Variants in RHOBTB1 observed in about 807,000 individuals in gnomAD.
RHOBTB1 encodes rho-related BTB domain-containing protein 1.
RHOBTB1 carries 40 observed loss-of-function variants against 71.6 expected under a neutral mutation model. The observed-to-expected ratio is 0.56, with a 90% confidence interval of 0.43 to 0.73. RHOBTB1 has a LOEUF of 0.73. Among genes scored for constraint, RHOBTB1 ranks in the 30% least tolerant of loss-of-function variants. RHOBTB1 has a pLI of 0.00. For missense variants in RHOBTB1, 797 were observed against 894.0 expected, an observed-to-expected ratio of 0.89 and a Z score of 1.38; for synonymous variants, 319 against 334.9, an observed-to-expected ratio of 0.95 and a Z score of 0.52.
chr10:60,989,901 G>T, intron 1 of RHOBTB1, among the ~76,000 whole-genome samples: 1 of 151,996 alleles, frequency 6.6e-6, no homozygotes, highest in Admixed American at 6.6e-5. Flanking sequence ...AACAGGTGGG[G>T]CTGTGCTCAT....
At chr10:60,976,217 T>A (rs2086309871) in intron 2 of RHOBTB1, among the ~76,000 whole-genome samples, 1 of 152,110 alleles carries the variant, frequency 6.6e-6, no homozygotes, top group African/African-American at 2.4e-5. Context: ...ATTAGGATAT[T>A]TTATTACATG....
exon 2 of RHOBTB1, chr10:60,985,868 T>C (rs372542434): frequency 6.6e-6 from 1 of 152,296 alleles, no homozygotes. Flanking sequence ...AAAATAAACT[T>C]CAATTCCATT....
At chr10:60,968,559 A>G (rs192744961) in intron 2 of RHOBTB1, among the ~76,000 whole-genome samples, 1 of 152,266 alleles carries the variant, frequency 6.6e-6, no homozygotes, top group Non-Finnish European at 1.5e-5. Context: ...ACCATCTTTG[A>G]GGAGCTGCAG....
intron 2 of RHOBTB1, among the ~76,000 whole-genome samples, chr10:60,965,236 G>C (rs1490405416): frequency 1.3e-5 from 2 of 151,956 alleles, no homozygotes; most frequent in Admixed American, 6.6e-5. Context: ...TTGTTGAAAT[G>C]CTTAGGTTTT....
intron 5 of RHOBTB1, among the ~76,000 whole-genome samples, chr10:60,892,132 T>C (rs1270826787): frequency 6.6e-6 from 1 of 152,214 alleles, no homozygotes; most frequent in African/African-American, 2.4e-5. Flanking sequence ...AATTATCTCT[T>C]TATTAGCAGC....
At chr10:60,951,054 G>A (rs1472989702) in intron 2 of RHOBTB1, among the ~76,000 whole-genome samples, 1 of 152,140 alleles carries the variant, frequency 6.6e-6, no homozygotes, top group Non-Finnish European at 1.5e-5. Context: ...CCCTACTTCA[G>A]AAAAATAATT....
At chr10:60,995,743 T>C (rs574278276) in intron 1 of RHOBTB1, among the ~76,000 whole-genome samples, 1 of 152,308 alleles carries the variant, frequency 6.6e-6, no homozygotes, top group South Asian at 2.1e-4. Context: ...TCTGCCCTTA[T>C]TGTTTTTTGT....
chr10:60,957,547 C>A (rs529915321), intron 2 of RHOBTB1, among the ~76,000 whole-genome samples: 32 of 152,216 alleles, frequency 2.1e-4, no homozygotes, highest in African/African-American at 7.7e-4. Flanking sequence ...CACCACCAAG[C>A]CTTACGGTCA....
chr10:60,912,533 T>A (rs115508078), intron 2 of RHOBTB1, among the ~76,000 whole-genome samples: 2,483 of 152,276 alleles, frequency 0.016, 30 homozygotes, highest in South Asian at 0.036. Flanking sequence ...ATGCCTAGCC[T>A]TAAAAAAGAT....
intron 2 of RHOBTB1, among the ~76,000 whole-genome samples, chr10:60,930,867 T>C (rs1390033621): frequency 6.6e-6 from 1 of 152,058 alleles, no homozygotes; most frequent in Admixed American, 6.6e-5. Flanking sequence ...GGCATTCCCA[T>C]CCATTATTCC....
chr10:60,923,886 C>T (rs888002765), intron 2 of RHOBTB1, among the ~76,000 whole-genome samples: 5 of 152,144 alleles, frequency 3.3e-5, no homozygotes, highest in African/African-American at 7.2e-5. Context: ...ACATGGAACA[C>T]GAGTCCATGA....
At chr10:60,962,957 C>T (rs1407494509) in intron 2 of RHOBTB1, among the ~76,000 whole-genome samples, 2 of 152,084 alleles carry the variant, frequency 1.3e-5, no homozygotes, top group Non-Finnish European at 2.9e-5. Context: ...TAAATAATCC[C>T]CAGCCATGTT....
At chr10:60,998,800 A>G (rs1379564835) in intron 1 of RHOBTB1, among the ~76,000 whole-genome samples, 1 of 152,214 alleles carries the variant, frequency 6.6e-6, no homozygotes, top group Non-Finnish European at 1.5e-5. Flanking sequence ...TCTGAGGTCA[A>G]ATGGCTAATT....
intron 2 of RHOBTB1, among the ~76,000 whole-genome samples, chr10:60,981,460 G>A (rs1322766516): frequency 6.6e-6 from 1 of 152,184 alleles, no homozygotes; most frequent in African/African-American, 2.4e-5. Context: ...CACACAGCTT[G>A]AAGGTTGTAA....
intron 4 of RHOBTB1, among the ~76,000 whole-genome samples, chr10:60,899,056 T>C (rs986984892): frequency 6.6e-6 from 1 of 152,180 alleles, no homozygotes; most frequent in African/African-American, 2.4e-5. Flanking sequence ...CCAAAGAAGG[T>C]TGTGGGTTAT....
At chr10:60,969,988 C>T (rs986504684) in intron 2 of RHOBTB1, among the ~76,000 whole-genome samples, 1 of 152,040 alleles carries the variant, frequency 6.6e-6, no homozygotes, top group African/African-American at 2.4e-5. Context: ...AACTGGCAAA[C>T]TGGGCCAACC....
At chr10:60,909,700 A>G (rs1420559038) in intron 4 of RHOBTB1, among the ~76,000 whole-genome samples, 2 of 152,232 alleles carry the variant, frequency 1.3e-5, no homozygotes, top group Non-Finnish European at 2.9e-5. Flanking sequence ...GAAAGAAAAA[A>G]AATCCAGGAA....
At chr10:60,996,911 T>C (rs2087071024) in intron 1 of RHOBTB1, among the ~76,000 whole-genome samples, 1 of 152,212 alleles carries the variant, frequency 6.6e-6, no homozygotes, top group African/African-American at 2.4e-5. Context: ...AATGTAACCA[T>C]CTGGAGAACA....
At chr10:60,880,608 A>T (rs1211488979) in intron 7 of RHOBTB1, among the ~76,000 whole-genome samples, 1 of 152,196 alleles carries the variant, frequency 6.6e-6, no homozygotes, top group Admixed American at 6.5e-5. Context: ...TGATCATTTT[A>T]GGTTTCCAGC....
Sources: allele counts gnomAD v4.1 joint callset (sites outside exome capture counted in the v4.1 genomes callset), GRCh38; gene constraint gnomAD v4.1.1; transcripts MANE v1.5; gene names NCBI Gene and HGNC (gene_info 2026-07-23, HGNC 2026-07-21).